The following CLTCL1 variants were observed in gnomAD, a reference collection of about 807,000 sequenced individuals.
CLTCL1 encodes the protein clathrin heavy chain like 1.
Under a neutral mutation model 190.0 loss-of-function variants are expected in CLTCL1, and 159 were observed. The observed-to-expected ratio is 0.84, with a 90% CI of 0.74 to 0.95. CLTCL1 has a LOEUF of 0.95. CLTCL1 is among the 40% of genes least tolerant of loss of function. The pLI is 0.00. For synonymous variants in CLTCL1, 752 were observed against 769.6 expected (o/e 0.98, Z 0.38); for missense variants, 1,878 against 2,033.4 (o/e 0.92, Z 1.47).
Position 19,185,814 on chromosome 22 carries a change from C to T in CLTCL1, c.4605+1744G>A, listed in dbSNP as rs118024831. On this transcript the variant is annotated intron_variant, in intron 29 of 32. Coordinates refer to ENST00000427926, the MANE Select transcript of CLTCL1 (RefSeq NM_007098.4). Reference sequence around the variant, plus strand: ...CCTGACAGGGACCACATGGGTAGGACAGAATGGCTGTGATCAGCCAGCCGA... The same window carrying T: ...CCTGACAGGGACCACATGGGTAGGATAGAATGGCTGTGATCAGCCAGCCGA... Among the ~76,000 whole-genome samples the T allele has an allele frequency of 6.2e-3, 951 of 152,314 alleles. 5 individuals are homozygous for T. The highest frequency in any genetic ancestry group is 9.7e-3 in the Non-Finnish European group (661 of 68,030).
At position 19,233,540 on chromosome 22, in the gene CLTCL1, T is replaced by G; in HGVS notation, c.1250A>C (p.Tyr417Ser). 6.2e-7 allele frequency: 1 copy of G among 1,613,992 alleles called. No individual in the cohort carries two copies. Residue 417 changes from tyrosine to serine, a missense_variant, in exon 8 of 33, where the codon TAC (tyrosine) becomes TCC (serine). Transcript: ENST00000427926. The part of the protein sequence containing the change: ...QSGQASPLLQ[Y>S]FGILLDQGQL... Reference sequence around the variant, plus strand: ...ACCCTGGTCGAGCAGGATTCCGAAGTACTGCAGCAATGGAGAAGCCTGGCC... The same window carrying G: ...ACCCTGGTCGAGCAGGATTCCGAAGGACTGCAGCAATGGAGAAGCCTGGCC...
At chr22:19,233,360 A>T (rs1555960085) in intron 8 of CLTCL1, 42 bp from the exon 9 acceptor site, 1 of 1,610,558 alleles carries the variant, frequency 6.2e-7, no homozygotes, top group South Asian at 1.1e-5. Flanking sequence ...GGAGGCAGGT[A>T]GGGAGCCTGG....
chr22:19,213,512 A>G (rs1034667619), intron 19 of CLTCL1, among the ~76,000 whole-genome samples: 6 of 152,206 alleles, frequency 3.9e-5, no homozygotes, highest in African/African-American at 1.4e-4. Flanking sequence ...TAATAACCTC[A>G]AACTGAAAAC....
At chr22:19,219,759 T>C (rs2085508365) in intron 18 of CLTCL1, 126 bp downstream of exon 18, 2 of 1,387,166 alleles carry the variant, frequency 1.4e-6, no homozygotes, top group East Asian at 2.5e-5. Flanking sequence ...TTGCTGGCAT[T>C]ACAGGCGTGA....
chr22:19,219,065 G>T (rs1350512632), intron 18 of CLTCL1, among the ~76,000 whole-genome samples: 1 of 152,198 alleles, frequency 6.6e-6, no homozygotes, highest in Non-Finnish European at 1.5e-5. Flanking sequence ...CCCTTGGCCA[G>T]TTAACAGTTC....
chr22:19,187,621 C>T lies in CLTCL1; in HGVS notation c.4542G>A (p.Leu1514=), dbSNP rs187075533. The change falls in exon 29 of 33, where the codon CTG becomes CTA. Residue 1514 remains leucine (L), a synonymous_variant. Transcript: ENST00000427926. ...LMEFRCIAAY[L]YKGNNWWAQS... ...GGGCCCACCAGTTATTGCCCTTGTA[C>T]AGATAGGCCGCAATGCACCTGAACT... is the stretch of plus-strand genomic sequence containing the variant. 2 of 1,613,506 alleles carry T rather than the reference C, an allele frequency of 1.2e-6. No individual in the cohort carries two copies. The highest frequency in any genetic ancestry group is 1.3e-5 in the African/African-American group (1 of 74,912).
chr22:19,257,895 G>T, intron 2 of CLTCL1: 2 of 1,362,860 alleles, frequency 1.5e-6, no homozygotes, highest in South Asian at 1.1e-5. Flanking sequence ...CCAGGTCAGA[G>T]ACTGGGCCAT....
At chr22:19,255,869 C>T (rs1387005738) in intron 2 of CLTCL1, among the ~76,000 whole-genome samples, 1 of 149,208 alleles carries the variant, frequency 6.7e-6, no homozygotes, top group East Asian at 2.0e-4. Flanking sequence ...AAAATTGTGC[C>T]ACTGCACTCT....
intron 22 of CLTCL1, among the ~76,000 whole-genome samples, chr22:19,202,161 GC>G (rs1555940040): frequency 6.6e-6 from 1 of 151,952 alleles, no homozygotes; most frequent in Non-Finnish European, 1.5e-5. Context: ...CCAGCTGGTG[GC>G]CCCAGATCAT....
rs1393362166 is a variant in CLTCL1 at position 19,260,704 on chromosome 22, G to A, written c.251-6477C>T. Among the ~76,000 whole-genome samples the A allele has an allele frequency of 7.3e-5, 11 of 150,830 alleles. No homozygotes were observed. The East Asian group carries it at 7.8e-4, about 11-fold the overall frequency. ...TGAGGCAGGAGAATCCCTTGAACTC[G>A]GGAGGTGGAGGTTGCGGTGAGCCAA... On this transcript the variant is annotated intron_variant, in intron 2 of 32. Transcript: ENST00000427926.
intron 26 of CLTCL1, among the ~76,000 whole-genome samples, chr22:19,192,347 G>A (rs920665790): frequency 1.2e-4 from 18 of 152,156 alleles, no homozygotes; most frequent in Non-Finnish European, 2.4e-4. Flanking sequence ...TTACAGGCGT[G>A]AGCCACCGCG....
At chr22:19,264,065 C>G (rs536788511) in intron 2 of CLTCL1, among the ~76,000 whole-genome samples, 62 of 152,068 alleles carry the variant, frequency 4.1e-4, no homozygotes, top group African/African-American at 1.5e-3. Flanking sequence ...GAAGCTGAGA[C>G]GGGATGATCA....
intron 1 of CLTCL1, among the ~76,000 whole-genome samples, chr22:19,287,357 C>G (rs923247050): frequency 3.9e-5 from 6 of 152,080 alleles, no homozygotes; most frequent in Non-Finnish European, 7.3e-5. Context: ...AGCGTCATTT[C>G]CACAGATACC....
At chr22:19,252,570 C>T (rs923095486) in intron 3 of CLTCL1, among the ~76,000 whole-genome samples, 26 of 152,188 alleles carry the variant, frequency 1.7e-4, no homozygotes, top group African/African-American at 5.1e-4. Context: ...TGTGACAGTT[C>T]CTTAATTACT....
intron 2 of CLTCL1, among the ~76,000 whole-genome samples, chr22:19,272,982 C>A (rs1416633405): frequency 6.6e-6 from 1 of 152,084 alleles, no homozygotes; most frequent in Non-Finnish European, 1.5e-5. Flanking sequence ...CTTCACGAGC[C>A]CCTTTCCAAT....
chr22:19,191,718 G>A (rs1437316666), intron 26 of CLTCL1, among the ~76,000 whole-genome samples: 2 of 152,052 alleles, frequency 1.3e-5, no homozygotes, highest in South Asian at 2.1e-4. Context: ...ACTCAGTATC[G>A]GCTGAATGAA....
At chr22:19,258,925 G>C in intron 2 of CLTCL1, 1 of 386,202 alleles carries the variant, frequency 2.6e-6, no homozygotes, top group Non-Finnish European at 4.7e-6. Flanking sequence ...GGAAAAGCTT[G>C]ATGACATTGG....
intron 2 of CLTCL1, among the ~76,000 whole-genome samples, chr22:19,256,639 C>T (rs911432793): frequency 5.3e-5 from 8 of 151,504 alleles, no homozygotes; most frequent in South Asian, 2.1e-4. Flanking sequence ...ATTATAGGCG[C>T]GAGCCACCAT....
At chr22:19,236,882 T>C (rs1555962476) in intron 5 of CLTCL1, among the ~76,000 whole-genome samples, 4 of 152,122 alleles carry the variant, frequency 2.6e-5, no homozygotes, top group Admixed American at 6.5e-5. Flanking sequence ...TATCTGGAGA[T>C]GGAGGTAAGA....
Sources: allele counts gnomAD v4.1 joint callset (sites outside exome capture counted in the v4.1 genomes callset), GRCh38; gene constraint gnomAD v4.1.1; transcripts MANE v1.5; gene names NCBI Gene and HGNC (gene_info 2026-07-23, HGNC 2026-07-21).